The following ZNF574 variants were observed in gnomAD, a reference collection of about 807,000 sequenced individuals.
ZNF574 encodes zinc finger protein 574.
ZNF574 carries 25 observed loss-of-function variants against 56.6 expected under a neutral mutation model. The ratio of observed to expected loss-of-function variants is 0.44; its 90% CI spans 0.32 to 0.62. The LOEUF is 0.62. Ranked by LOEUF, ZNF574 falls within the 20% of genes least tolerant of loss-of-function variation. ZNF574 has a pLI of 0.04. For missense variants in ZNF574, 1,065 were observed against 1,218.9 expected (o/e 0.87, Z 1.88); for synonymous variants, 543 against 492.1 (o/e 1.10, Z -1.37).
rs2076502396 is a variant in ZNF574 at position 42,081,501 on chromosome 19, A to G, written c.*204A>G. 1 of 664,148 alleles carries G rather than the reference A, an allele frequency of 1.5e-6. No homozygotes were observed. The highest frequency in any genetic ancestry group is 1.8e-5 in the African/African-American group (1 of 54,990). 41.1% of individuals were successfully genotyped at this position (664,148 alleles called of 1,614,324 possible). A position where few individuals can be genotyped will look rare whatever the true frequency, so the allele number is the denominator to read the frequency against. Reference sequence around the variant, plus strand: ...GGTGCCCCCCCACCTTCCACCTCTTAGCACTGGTGACCCCAAAAATGAAAC... The same window carrying G: ...GGTGCCCCCCCACCTTCCACCTCTTGGCACTGGTGACCCCAAAAATGAAAC... On this transcript the variant is annotated 3_prime_UTR_variant, in exon 2 of 2. Transcript: ENST00000359044.
rs371541501 is a variant in ZNF574, at chr19:42,079,307, C to G, written c.701C>G (p.Ala234Gly). Residue 234 changes from alanine (A) to glycine (G), a missense_variant, in exon 2 of 2, where the codon GCC (alanine) becomes GGC (glycine). By Grantham distance (60) the Ala-to-Gly change is moderately conservative. Transcript: ENST00000359044. The surrounding 1 kb of genome is among the most constrained non-coding windows in gnomAD (Gnocchi z 4.3). ...CCGGCGGATTTCCTGGAGCACCAGG[C>G]CACTCACTTCCCTGCTCCTGTACCC... ...QLPADFLEHQ[A>G]THFPAPVPES... 6.2e-7 allele frequency: 1 copy of G among 1,613,958 alleles called. No homozygotes were observed. Among genetic ancestry groups the G allele is most frequent in the South Asian group, 1.1e-5 (1 of 91,084 alleles).
At chr19:42,071,275 G>C (rs2076418289), upstream of ZNF574, among the ~76,000 whole-genome samples, 1 of 149,168 alleles carries the variant, frequency 6.7e-6, no homozygotes, top group African/African-American at 2.5e-5. Context: ...TGGAGTGGGG[G>C]TGGGTGGTGC....
upstream of ZNF574, among the ~76,000 whole-genome samples, chr19:42,073,953 C>T (rs1430608256): frequency 6.7e-6 from 1 of 149,628 alleles, no homozygotes; most frequent in Non-Finnish European, 1.5e-5. Context: ...GCCAACATTG[C>T]AAAAACCTGT....
At chr19:42,069,357 C>T (rs1397439561) in intron 1 of ZNF574, 1 of 159,328 alleles carries the variant, frequency 6.3e-6, no homozygotes, top group Admixed American at 6.5e-5. Flanking sequence ...TCCACAGGGC[C>T]CCCTCCCCCG....
At chr19:42,071,727 A>AG (rs2076425055), upstream of ZNF574, among the ~76,000 whole-genome samples, 1 of 152,060 alleles carries the variant, frequency 6.6e-6, no homozygotes, top group Admixed American at 6.6e-5. Flanking sequence ...CCTTTCGACC[A>AG]GGGCGGTGGC....
chr19:42,077,149 G>A (rs2076461966), intron 1 of ZNF574, among the ~76,000 whole-genome samples: 2 of 151,980 alleles, frequency 1.3e-5, no homozygotes, highest in South Asian at 4.1e-4. Flanking sequence ...CTAAGACGCT[G>A]GGGGGTCTGA....
rs1470392712 is a variant in ZNF574, at chr19:42,079,388, T to G, written c.782T>G (p.Val261Gly). ...GTGCAGGCCTCGTCACCTGCAGAGG[T>G]GCCTGTGTCTCAGCCTGACCCCTTG... The part of the protein sequence containing the change: ...QEVQASSPAE[V>G]PVSQPDPLPA... The change falls in exon 2 of 2, where the codon GTG becomes GGG. Residue 261 changes from valine (V) to glycine (G), a missense_variant. Coordinates refer to ENST00000359044, the MANE Select transcript of ZNF574 (RefSeq NM_022752.6). This position sits in a 1 kb window ranked among gnomAD's most constrained non-coding sequence, Gnocchi z 4.3. 6.2e-7 allele frequency: 1 copy of G among 1,613,656 alleles called. No individual in the cohort carries two copies. The highest frequency in any genetic ancestry group is 8.5e-7 in the Non-Finnish European group (1 of 1,180,014).
At chr19:42,075,239 G>C (rs1034360260), upstream of ZNF574, 1 of 152,362 alleles carries the variant, frequency 6.6e-6, no homozygotes, top group African/African-American at 2.4e-5. Flanking sequence ...GAGGGGCGCA[G>C]GAACGAGGTG....
At chr19:42,076,762 C>T (rs1158668814) in intron 1 of ZNF574, among the ~76,000 whole-genome samples, 1 of 151,840 alleles carries the variant, frequency 6.6e-6, no homozygotes, top group Non-Finnish European at 1.5e-5. Context: ...AGAATTGGGG[C>T]GGTGAGAGGG....
In ZNF574 at chr19:42,078,788, C is replaced by G. The variant is rs770101319; in HGVS notation, c.182C>G (p.Ala61Gly). 2 of 1,613,964 alleles carry G rather than the reference C, an allele frequency of 1.2e-6. No homozygotes were observed. Among genetic ancestry groups the G allele is most frequent in the African/African-American group, 2.7e-5 (2 of 74,900 alleles). The change falls in exon 2 of 2, where the codon GCT becomes GGT. Residue 61 changes from alanine (A) to glycine (G), a missense_variant. Ala to Gly is a moderately conservative substitution (Grantham distance 60). Coordinates refer to ENST00000359044, the MANE Select transcript of ZNF574 (RefSeq NM_022752.6). ...DPGVTVATDT[A>G]SGTGLYQTLV... ...GGAGTCACTGTGGCCACAGACACAG[C>G]TTCAGGCACGGGCCTCTATCAGACC... is the stretch of plus-strand genomic sequence containing the variant.
Position 42,079,957 on chromosome 19 carries a change from C to G in ZNF574, c.1351C>G (p.Pro451Ala), listed in dbSNP as rs780453769. 9 of 1,613,886 alleles carry G rather than the reference C, an allele frequency of 5.6e-6. No homozygotes were observed. The highest frequency in any genetic ancestry group is 5.0e-5 in the Admixed American group (3 of 60,026). Residue 451 changes from proline to alanine, a missense_variant, in exon 2 of 2, where the codon CCT becomes GCT. Pro to Ala is a conservative substitution (Grantham distance 27). Coordinates refer to ENST00000359044, the MANE Select transcript of ZNF574 (RefSeq NM_022752.6). The surrounding 1 kb of genome is among the most constrained non-coding windows in gnomAD (Gnocchi z 4.3). ...TGGAGAGCCAGAGGCCCCTGAGCCC[C>G]CTGTGTCTGAGGAGACCTCAGCAGG... ...ETGEPEAPEP[P>A]VSEETSAGPA...
chr19:42,072,812 T>C (rs2076433526), upstream of ZNF574, among the ~76,000 whole-genome samples: 2 of 152,310 alleles, frequency 1.3e-5, no homozygotes, highest in East Asian at 3.9e-4. Flanking sequence ...GTGATCGGCC[T>C]GTCTCGGTCT....
In ZNF574 at chr19:42,080,280, G is replaced by A. The variant is rs1352276437; in HGVS notation, c.1674G>A (p.Lys558=). The change falls in exon 2 of 2, where the codon AAG becomes AAA. Residue 558 remains lysine, a synonymous_variant. Coordinates refer to ENST00000359044, the MANE Select transcript of ZNF574 (RefSeq NM_022752.6). The surrounding 1 kb of genome is among the most constrained non-coding windows in gnomAD (Gnocchi z 8.5). ...ERPYRCGDCG[K]AFTQSSTLRQ... ...CCTACCGGTGTGGGGACTGTGGCAA[G>A]GCTTTCACGCAAAGCTCCACACTGA... The A allele has an allele frequency of 6.2e-7, 1 of 1,614,072 alleles. No homozygotes were observed. Among genetic ancestry groups the A allele is most frequent in the Non-Finnish European group, 8.5e-7 (1 of 1,179,984 alleles).
upstream of ZNF574, among the ~76,000 whole-genome samples, chr19:42,073,943 G>A (rs2076440971): frequency 6.6e-6 from 1 of 151,086 alleles, no homozygotes; most frequent in South Asian, 2.1e-4. Flanking sequence ...GACCAGCCTG[G>A]CCAACATTGC....
Position 42,080,415 on chromosome 19 carries a change from T to C in ZNF574, c.1809T>C (p.Gly603=). The change falls in exon 2 of 2, where the codon GGT becomes GGC. Residue 603 remains glycine (G), a synonymous_variant. Coordinates refer to ENST00000359044, the MANE Select transcript of ZNF574 (RefSeq NM_022752.6). This position sits in a 1 kb window ranked among gnomAD's most constrained non-coding sequence, Gnocchi z 8.5. ...RLLMHRYHHT[G]EYPYKCRECP... is the part of the protein sequence containing the mutation. ...TCATGCACCGCTACCATCACACAGG[T>C]GAATACCCCTACAAGTGTCGCGAGT... 1.2e-6 allele frequency: 2 copies of C among 1,614,148 alleles called. No homozygotes were observed. The highest frequency in any genetic ancestry group is 1.7e-6 in the Non-Finnish European group (2 of 1,180,022).
Position 42,081,155 on chromosome 19 carries a change from C to A in ZNF574, c.2549C>A (p.Ala850Glu). The A allele has an allele frequency of 6.2e-7, 1 of 1,614,120 alleles. No individual in the cohort carries two copies. Among genetic ancestry groups the A allele is most frequent in the Non-Finnish European group, 8.5e-7 (1 of 1,180,044 alleles). The change falls in exon 2 of 2, where the codon GCA becomes GAA. Residue 850 changes from alanine (A) to glutamate (E), a missense_variant. Physicochemically the swap from Ala to Glu is moderately radical, Grantham distance 107 (BLOSUM62 -1). Coordinates refer to ENST00000359044, the MANE Select transcript of ZNF574 (RefSeq NM_022752.6). ...HRKTHQQQHQAAVRQQLAEAE... is the reference protein window; with the variant it reads ...HRKTHQQQHQEAVRQQLAEAE... ...AAGACCCATCAGCAGCAGCATCAGG[C>A]AGCTGTGCGGCAGCAGCTGGCAGAG...
chr19:42,073,608 G>A (rs965649417), upstream of ZNF574, among the ~76,000 whole-genome samples: 1 of 151,666 alleles, frequency 6.6e-6, no homozygotes, highest in Non-Finnish European at 1.5e-5. Flanking sequence ...ATCAACTTGA[G>A]GCCAGGAGTT....
chr19:42,079,912 G>A lies in ZNF574; in HGVS notation c.1306G>A (p.Glu436Lys). 1 of 1,613,806 alleles carries A rather than the reference G, an allele frequency of 6.2e-7. No individual in the cohort carries two copies. Among genetic ancestry groups the A allele is most frequent in the Non-Finnish European group, 8.5e-7 (1 of 1,179,984 alleles). The change falls in exon 2 of 2, where the codon GAG becomes AAG. Residue 436 changes from glutamate (E) to lysine (K), a missense_variant. Coordinates refer to ENST00000359044, the MANE Select transcript of ZNF574 (RefSeq NM_022752.6). This position sits in a 1 kb window ranked among gnomAD's most constrained non-coding sequence, Gnocchi z 4.3. ...AGAGGAACCTGTCATTGGTTTCCCT[G>A]AGCCAGCCCCAGCAGAGACTGGAGA... The part of the protein sequence containing the change: ...PPEEPVIGFP[E>K]PAPAETGEPE...
Position 42,081,270 on chromosome 19 carries a change from G to A in ZNF574, c.2664G>A (p.Glu888=). The change falls in exon 2 of 2, where the codon GAG becomes GAA. Residue 888 remains glutamate (E), a synonymous_variant. Coordinates refer to ENST00000359044, the MANE Select transcript of ZNF574 (RefSeq NM_022752.6). ...CCATTGAGATCTACCCTCTGGCCGA[G>A]GCTGAGGGGGTCCAGATCAGTGGCT... ...VEAIEIYPLA[E]AEGVQISG is the part of the protein sequence containing the mutation. 1 of 1,614,134 alleles carries A rather than the reference G, an allele frequency of 6.2e-7. No individual in the cohort carries two copies.
Sources: gnomAD v4.1 joint callset for allele counts (sites outside exome capture counted in the v4.1 genomes callset) on GRCh38, gnomAD v4.1.1 for gene constraint, Gnocchi (gnomAD v3.1) non-coding constraint, MANE v1.5 for transcripts, NCBI Gene and HGNC (gene_info 2026-07-23, HGNC 2026-07-21) for gene names.